MMP26: variants seen among roughly 807,000 people sequenced by gnomAD.
MMP26 encodes the protein matrix metalloproteinase-26.
A neutral mutation model predicts 31.0 loss-of-function variants in MMP26; 33 were observed. That is an observed-to-expected ratio of 1.06 (90% CI 0.81 to 1.42). The LOEUF is 1.42. MMP26 is among the 40% of genes most tolerant of loss of function. MMP26 has a pLI of 0.00. For missense variants in MMP26, 347 were observed against 316.1 expected, an observed-to-expected ratio of 1.10 and a Z score of -0.74; for synonymous variants, 122 against 114.9, an observed-to-expected ratio of 1.06 and a Z score of -0.40.
intron 2 of MMP26, chr11:4,863,597 T>C (rs1850194759): frequency 6.6e-6 from 1 of 152,168 alleles, no homozygotes; most frequent in South Asian, 2.1e-4. Context: ...GAAAAAATCT[T>C]TTAAGATATT....
At chr11:4,769,803 T>C (rs768698817) in intron 2 of MMP26, 1 of 1,613,156 alleles carries the variant, frequency 6.2e-7, no homozygotes, top group South Asian at 1.1e-5. Flanking sequence ...GAGAGGGCAA[T>C]GGCATAAAAA....
chr11:4,707,263 T>C (rs1226398095), intron 1 of MMP26, among the ~76,000 whole-genome samples: 1 of 152,234 alleles, frequency 6.6e-6, no homozygotes, highest in Non-Finnish European at 1.5e-5. Flanking sequence ...ATGATTTTGA[T>C]TCACATTTAT....
intron 2 of MMP26, among the ~76,000 whole-genome samples, chr11:4,871,114 A>G (rs560226470): frequency 2.0e-5 from 3 of 152,276 alleles, no homozygotes; most frequent in East Asian, 1.9e-4. Flanking sequence ...GCAATATTCT[A>G]CTATATTGAA....
intron 2 of MMP26, among the ~76,000 whole-genome samples, chr11:4,958,469 C>G (rs1009980277): frequency 6.6e-6 from 1 of 151,966 alleles, no homozygotes; most frequent in Non-Finnish European, 1.5e-5. Context: ...ATTGTTGATT[C>G]TTTCCTAATA....
At position 4,809,197 on chromosome 11, in the gene MMP26, A is replaced by C. The variant is rs548352221; in HGVS notation, c.-145+41856A>C. On this transcript the variant is annotated intron_variant, in intron 2 of 7. Transcript: ENST00000380390. ...AAATCTGTTCCCCTCCACAGGCTAG[A>C]ATTCTTATGAACATAGTACATACTG... 3.3e-5 allele frequency among the ~76,000 whole-genome samples: 5 copies of C among 152,288 alleles called. No homozygotes were observed. The South Asian group carries it at 1.0e-3, about 32-fold the overall frequency.
rs1846932498 is a variant in MMP26 at position 4,988,117 on chromosome 11, G to C, written c.-95G>C. 1 of 1,088,946 alleles carries C rather than the reference G, an allele frequency of 9.2e-7. No homozygotes were observed. Among genetic ancestry groups the C allele is most frequent in the Non-Finnish European group, 1.4e-6 (1 of 702,390 alleles). 67.5% of individuals were successfully genotyped at this position (1,088,946 alleles called of 1,614,324 possible). Reference sequence around the variant, plus strand: ...GATTCAAAGAAAGGGCAAACTGGCAGAGTGAGTCATTGGATGTTGCTGGCA... The same window carrying C: ...GATTCAAAGAAAGGGCAAACTGGCACAGTGAGTCATTGGATGTTGCTGGCA... On this transcript the variant is annotated 5_prime_UTR_variant, in exon 3 of 8. Transcript: ENST00000380390.
At chr11:4,938,979 C>T (rs1846170017) in intron 2 of MMP26, among the ~76,000 whole-genome samples, 1 of 152,072 alleles carries the variant, frequency 6.6e-6, no homozygotes, top group Non-Finnish European at 1.5e-5. Flanking sequence ...TAACTAATAC[C>T]TAAAGCCATC....
At chr11:4,748,799 T>C (rs746747033) in intron 1 of MMP26, among the ~76,000 whole-genome samples, 1 of 151,574 alleles carries the variant, frequency 6.6e-6, no homozygotes, top group Non-Finnish European at 1.5e-5. Flanking sequence ...TACCTGAAAA[T>C]GATAAAAGCC....
chr11:4,840,797 C>T (rs898001988), intron 2 of MMP26, among the ~76,000 whole-genome samples: 5 of 152,116 alleles, frequency 3.3e-5, no homozygotes, highest in Non-Finnish European at 5.9e-5. Flanking sequence ...AAAACATGAC[C>T]TCACCAAATA....
chr11:4,882,572 C>T (rs766869888), intron 2 of MMP26: 8 of 1,613,752 alleles, frequency 5.0e-6, no homozygotes, highest in East Asian at 2.2e-5. Flanking sequence ...CCTGATCCTC[C>T]GTACTGTTCT....
intron 2 of MMP26, chr11:4,943,956 T>C: frequency 2.4e-6 from 1 of 413,180 alleles, no homozygotes; most frequent in Non-Finnish European, 4.8e-6. Context: ...AGCCACCTAA[T>C]TACTCCTCAT....
At chr11:4,858,253 A>G (rs1234546815) in intron 2 of MMP26, among the ~76,000 whole-genome samples, 2 of 152,116 alleles carry the variant, frequency 1.3e-5, no homozygotes, top group Non-Finnish European at 2.9e-5. Context: ...AAGAAATAAA[A>G]GGTATTCAAT....
chr11:4,756,980 A>G (rs1044268636), intron 1 of MMP26, among the ~76,000 whole-genome samples: 1 of 152,190 alleles, frequency 6.6e-6, no homozygotes, highest in African/African-American at 2.4e-5. Flanking sequence ...TGTAATATCA[A>G]CAAGTCTTTT....
At chr11:4,755,588 A>G (rs1324553863) in intron 1 of MMP26, among the ~76,000 whole-genome samples, 1 of 152,096 alleles carries the variant, frequency 6.6e-6, no homozygotes, top group African/African-American at 2.4e-5. Flanking sequence ...TGAAATTAGT[A>G]TTAGCCCATG....
chr11:4,742,897 T>C (rs1564899194), intron 1 of MMP26, among the ~76,000 whole-genome samples: 1 of 152,154 alleles, frequency 6.6e-6, no homozygotes, highest in Non-Finnish European at 1.5e-5. Flanking sequence ...CATATACTTA[T>C]AAGATTACAG....
At chr11:4,819,566 A>ATGTTTTTTTTT (rs1849465688) in intron 2 of MMP26, among the ~76,000 whole-genome samples, 1 of 50,278 alleles carries the variant, frequency 2.0e-5, no homozygotes, top group Non-Finnish European at 3.3e-5. Context: ...GAGTCGACTG[A>ATGTTTTTTTTT]TTTTTTTTTT....
chr11:4,759,250 G>T (rs1434883777), intron 1 of MMP26, among the ~76,000 whole-genome samples: 1 of 151,330 alleles, frequency 6.6e-6, no homozygotes, highest in Non-Finnish European at 1.5e-5. Context: ...TAAAACAATT[G>T]TTATTAATGT....
At chr11:4,821,858 T>C (rs1228602840) in intron 2 of MMP26, 4 of 1,613,848 alleles carry the variant, frequency 2.5e-6, no homozygotes, top group East Asian at 2.2e-5. Context: ...ATTGCCAAGA[T>C]TGGGATGAGC....
rs749375039 is a variant in MMP26 at position 4,948,029 on chromosome 11, C to A, written c.-144-40039C>A. On this transcript the variant is annotated intron_variant, in intron 2 of 7. Transcript: ENST00000380390. ...ACATCCTAGGACATAATGTGTTATC[C>A]TAGATTTTATTCCTGAATCCTGGAT... 3.2e-5 allele frequency among the ~76,000 whole-genome samples: 4 copies of A among 124,310 alleles called. 1 individual carries two copies. Among genetic ancestry groups the A allele is most frequent in the Non-Finnish European group, 7.3e-5 (4 of 54,810 alleles). 81.6% of individuals were successfully genotyped at this position (124,310 alleles called of 152,430 possible).
Sources: allele counts gnomAD v4.1 joint callset (sites outside exome capture counted in the v4.1 genomes callset), GRCh38; gene constraint gnomAD v4.1.1; transcripts MANE v1.5; gene names NCBI Gene and HGNC (gene_info 2026-07-23, HGNC 2026-07-21).